Variants in MYO9A observed in about 807,000 individuals in gnomAD.
The protein encoded by MYO9A is unconventional myosin-IXa.
In MYO9A, 103 loss-of-function variants were observed where a neutral mutation model predicts 293.3. The ratio of observed to expected loss-of-function variants is 0.35; its 90% CI spans 0.30 to 0.41. The LOEUF is 0.41. Among genes scored for constraint, MYO9A ranks in the 10% least tolerant of loss-of-function variants. The pLI, the probability that MYO9A is intolerant of heterozygous loss-of-function variation, is 1.00. For synonymous variants in MYO9A, 1,001 were observed against 1,035.7 expected (o/e 0.97, Z 0.64); for missense variants, 2,685 against 3,033.0 (o/e 0.89, Z 2.69).
chr15:72,071,560 G>A (rs2079191270), intron 1 of MYO9A, among the ~76,000 whole-genome samples: 1 of 152,056 alleles, frequency 6.6e-6, no homozygotes. Context: ...GGCCAACATG[G>A]TGAAACCCCG....
chr15:71,873,214 T>A (rs910925937), intron 32 of MYO9A, among the ~76,000 whole-genome samples: 13 of 152,304 alleles, frequency 8.5e-5, no homozygotes, highest in South Asian at 6.2e-4. Flanking sequence ...CCACCGCGCC[T>A]GGCCAGCCCT....
At chr15:71,981,587 A>G (rs1367974230) in intron 11 of MYO9A, among the ~76,000 whole-genome samples, 1 of 152,058 alleles carries the variant, frequency 6.6e-6, no homozygotes, top group Non-Finnish European at 1.5e-5. Context: ...TAGGATCCAG[A>G]GTAATACCCT....
At chr15:71,853,447 AAG>A (rs2055738461) in intron 35 of MYO9A, among the ~76,000 whole-genome samples, 1 of 152,226 alleles carries the variant, frequency 6.6e-6, no homozygotes, top group Non-Finnish European at 1.5e-5. Context: ...GTGCTATTTC[AAG>A]GTATCAGAGA....
At chr15:71,865,754 C>T (rs1035267728) in intron 32 of MYO9A, among the ~76,000 whole-genome samples, 2 of 152,104 alleles carry the variant, frequency 1.3e-5, no homozygotes, top group African/African-American at 2.4e-5. Flanking sequence ...AGTGAATATA[C>T]TAAAACCCAC....
At chr15:71,846,953 A>C (rs1004398901) in intron 39 of MYO9A, among the ~76,000 whole-genome samples, 12 of 152,220 alleles carry the variant, frequency 7.9e-5, no homozygotes, top group African/African-American at 2.7e-4. Context: ...ATCTGGGAGG[A>C]CACCATCGGA....
intron 25 of MYO9A, among the ~76,000 whole-genome samples, chr15:71,895,122 A>C (rs1259031310): frequency 2.0e-5 from 3 of 152,340 alleles, no homozygotes; most frequent in African/African-American, 7.2e-5. Context: ...TAGGCTTCTT[A>C]GAGATCTCCC....
chr15:72,032,522 T>A lies in MYO9A; in HGVS notation c.907A>T (p.Asn303Tyr). The A allele has an allele frequency of 6.2e-7, 1 of 1,608,396 alleles. No homozygotes were observed. Among genetic ancestry groups the A allele is most frequent in the Non-Finnish European group, 8.5e-7 (1 of 1,177,572 alleles). Reference protein sequence around the residue: ...SSRFGKFIQVNYQETGTVLGA... With the variant: ...SSRFGKFIQVYYQETGTVLGA... ...AGTACAGTGCCTGTTTCCTGGTAAT[T>A]TACTTGAATAAACTTCCCAAAACGA... The change falls in exon 3 of 42, where the codon AAT becomes TAT. Residue 303 changes from asparagine (N) to tyrosine (Y), a missense_variant. Physicochemically the swap from Asn to Tyr is moderately radical, Grantham distance 143. This residue lies in a region of MYO9A where 289 missense variants were observed against 456.8 expected (regional missense o/e 0.63). Coordinates refer to ENST00000356056, the MANE Select transcript of MYO9A (RefSeq NM_006901.4).
At chr15:72,031,665 T>C (rs752658823) in intron 3 of MYO9A, among the ~76,000 whole-genome samples, 68 of 151,824 alleles carry the variant, frequency 4.5e-4, no homozygotes, top group African/African-American at 1.5e-3. Flanking sequence ...TAAAGGAATA[T>C]AGGGGAATTT....
At chr15:72,049,842 T>C (rs966110485) in intron 1 of MYO9A, among the ~76,000 whole-genome samples, 3 of 152,228 alleles carry the variant, frequency 2.0e-5, no homozygotes, top group Non-Finnish European at 4.4e-5. Context: ...AATTTTCATC[T>C]ATGAAACCAG....
At position 71,975,140 on chromosome 15, in the gene MYO9A, T is replaced by TC. The variant is rs2076105353; in HGVS notation, c.1844+3030dup. Among the ~76,000 whole-genome samples, 3 of 152,176 alleles carry TC rather than the reference T, an allele frequency of 2.0e-5. No homozygotes were observed. In the South Asian group the frequency reaches 6.2e-4, roughly 32 times the overall value. Reference sequence around the variant, plus strand: ...GAAGCCTGCAAACTTGAGTGGTCTCTCCCTGGGAGACATATTCATACAACA... The same window carrying TC: ...GAAGCCTGCAAACTTGAGTGGTCTCTCCCCTGGGAGACATATTCATACAACA... On this transcript the variant is annotated intron_variant, in intron 12 of 41. Coordinates refer to ENST00000356056, the MANE Select transcript of MYO9A (RefSeq NM_006901.4).
chr15:72,038,601 A>G (rs2078131671), intron 2 of MYO9A, among the ~76,000 whole-genome samples: 1 of 152,116 alleles, frequency 6.6e-6, no homozygotes, highest in Non-Finnish European at 1.5e-5. Context: ...ACAACTAACT[A>G]CACACACACA....
At chr15:71,951,602 T>A (rs974086074) in intron 15 of MYO9A, 175 bp downstream of exon 15, 2 of 601,134 alleles carry the variant, frequency 3.3e-6, no homozygotes, top group African/African-American at 1.9e-5. Flanking sequence ...AAAAAGTATA[T>A]CAGTATTTTC....
At chr15:71,931,439 T>C (rs1278986589) in intron 18 of MYO9A, among the ~76,000 whole-genome samples, 4 of 152,210 alleles carry the variant, frequency 2.6e-5, no homozygotes, top group African/African-American at 9.6e-5. Flanking sequence ...GCATGCAAGG[T>C]TTCTCATGAA....
intron 8 of MYO9A, among the ~76,000 whole-genome samples, chr15:72,003,703 C>CA (rs397738256): frequency 0.32 from 27,593 of 86,046 alleles, 3,265 homozygotes; most frequent in East Asian, 0.51. Flanking sequence ...GACTCCGTCT[C>CA]AAAAAAAAAA....
intron 6 of MYO9A, among the ~76,000 whole-genome samples, chr15:72,017,224 A>G (rs1488534228): frequency 6.6e-6 from 1 of 151,822 alleles, no homozygotes; most frequent in Non-Finnish European, 1.5e-5. Context: ...TTGTTGCTCA[A>G]GCTAGTCTCA....
chr15:72,039,961 G>T, intron 2 of MYO9A: 1 of 189,606 alleles, frequency 5.3e-6, no homozygotes, highest in South Asian at 1.1e-4. Context: ...CAGCTAAGAA[G>T]CCAGGACATC....
intron 41 of MYO9A, 144 bp downstream of exon 41, chr15:71,827,739 TG>T: frequency 1.1e-6 from 1 of 879,718 alleles, no homozygotes; most frequent in Non-Finnish European, 1.7e-6. Context: ...TAAAATTATA[TG>T]GATAAAAGGA....
Position 71,938,872 on chromosome 15 carries a change from A to C in MYO9A, c.2358T>G (p.Ala786=), listed in dbSNP as rs2058700624. 6.2e-7 allele frequency: 1 copy of C among 1,610,112 alleles called. No individual in the cohort carries two copies. The highest frequency in any genetic ancestry group is 1.3e-5 in the African/African-American group (1 of 74,744). Residue 786 remains alanine (A), a synonymous_variant, in exon 16 of 42, where the codon GCT becomes GCG. Transcript: ENST00000356056. ...CTTACTGTTGGTTTTTTTCATTTAG[A>C]GCATTCATGCCCTGGAGATCAGAAA... ...TPLSDLQGMN[A]LNEKNQHDTF... is the part of the protein sequence containing the mutation.
At chr15:72,016,373 G>A (rs2077339383) in intron 6 of MYO9A, among the ~76,000 whole-genome samples, 1 of 152,088 alleles carries the variant, frequency 6.6e-6, no homozygotes, top group Non-Finnish European at 1.5e-5. Flanking sequence ...ACTGCTGTTT[G>A]TGCTTATTTA....
Sources: gnomAD v4.1 joint callset for allele counts (sites outside exome capture counted in the v4.1 genomes callset) on GRCh38, gnomAD v4.1.1 for gene constraint, gnomAD v4.1.1 regional missense constraint, MANE v1.5 for transcripts, NCBI Gene and HGNC (gene_info 2026-07-23, HGNC 2026-07-21) for gene names.